Variants in PIWIL2 observed in about 807,000 individuals in gnomAD.
PIWIL2 encodes the protein piwi-like protein 2.
A neutral mutation model predicts 116.5 loss-of-function variants in PIWIL2; 81 were observed. That is an observed-to-expected ratio of 0.70 (90% CI 0.58 to 0.84). The LOEUF (loss-of-function observed/expected upper bound fraction) is 0.84, where lower values mean the gene tolerates loss of function less well. Ranked by LOEUF, PIWIL2 falls within the 40% of genes least tolerant of loss-of-function variation. PIWIL2 has a pLI of 0.00. For missense variants in PIWIL2, 1,272 were observed against 1,212.3 expected (o/e 1.05, Z -0.73); for synonymous variants, 489 against 429.5 (o/e 1.14, Z -1.71).
chr8:22,339,471 G>A (rs1333758204), intron 20 of PIWIL2, among the ~76,000 whole-genome samples: 1 of 151,858 alleles, frequency 6.6e-6, no homozygotes, highest in Admixed American at 6.6e-5. Flanking sequence ...TCACACCACT[G>A]CACTCCAGCC....
At chr8:22,327,913 C>T (rs768344274) in intron 20 of PIWIL2, among the ~76,000 whole-genome samples, 1 of 152,148 alleles carries the variant, frequency 6.6e-6, no homozygotes, top group Non-Finnish European at 1.5e-5. Context: ...TTTTCACTTG[C>T]TTGATAATGG....
Position 22,304,860 on chromosome 8 carries a change from C to G in PIWIL2, c.1447C>G (p.His483Asp), listed in dbSNP as rs375237290. 180 of 1,600,398 alleles carry G rather than the reference C, an allele frequency of 1.1e-4. No homozygotes were observed. Among genetic ancestry groups the G allele is most frequent in the Non-Finnish European group, 1.5e-4 (174 of 1,167,670 alleles). Reference protein sequence around the residue: ...IHRPSERQDNHGMLLKGEILL... With the variant: ...IHRPSERQDNDGMLLKGEILL... ...CAGGCCCAGTGAGAGACAGGATAATCATGGGATGGTGAGTAGGGCTGTCAG... is the reference window on the plus strand; with the variant it reads ...CAGGCCCAGTGAGAGACAGGATAATGATGGGATGGTGAGTAGGGCTGTCAG... The change falls in exon 12 of 23, where the codon CAT becomes GAT. Residue 483 changes from histidine to aspartate, a missense_variant. Transcript: ENST00000356766.
intron 4 of PIWIL2, 138 bp downstream of exon 4, chr8:22,281,653 G>A (rs1269902680): frequency 2.9e-6 from 2 of 695,258 alleles, no homozygotes; most frequent in Admixed American, 7.7e-5. Flanking sequence ...TATTTCTCAA[G>A]AGTAGTCAGC....
intron 20 of PIWIL2, among the ~76,000 whole-genome samples, chr8:22,324,802 T>G (rs563872646): frequency 6.8e-6 from 1 of 147,860 alleles, no homozygotes; most frequent in Admixed American, 6.6e-5. Flanking sequence ...GAGAGGAAAT[T>G]TAGACACAGA....
At position 22,283,222 on chromosome 8, in the gene PIWIL2, CTG is replaced by C. The variant is rs1161946309; in HGVS notation, c.617_618del (p.Val206GlyfsTer31). 6.2e-7 allele frequency: 1 copy of C among 1,613,724 alleles called. No homozygotes were observed. The highest frequency in any genetic ancestry group is 8.5e-7 in the Non-Finnish European group (1 of 1,179,706). On this transcript the variant is annotated frameshift_variant, in exon 5 of 23. Transcript: ENST00000356766. LOFTEE classifies it high-confidence loss of function. ...TCTCCAGATCGCCCTCTGGTCCTGA[CTG>C]TGGAACACAAGGAAAAGTAAGTCAG...
chr8:22,335,854 C>T (rs553429821), intron 20 of PIWIL2, among the ~76,000 whole-genome samples: 2 of 152,120 alleles, frequency 1.3e-5, no homozygotes, highest in African/African-American at 2.4e-5. Context: ...CCACTGTGCC[C>T]GGCCTCAGAC....
At chr8:22,338,991 C>T (rs769288676) in intron 20 of PIWIL2, among the ~76,000 whole-genome samples, 2 of 152,150 alleles carry the variant, frequency 1.3e-5, no homozygotes, top group Non-Finnish European at 2.9e-5. Context: ...AGACTCAAAT[C>T]AGTGAAGTAA....
At chr8:22,299,182 A>G (rs1289567813) in intron 10 of PIWIL2, among the ~76,000 whole-genome samples, 3 of 150,124 alleles carry the variant, frequency 2.0e-5, no homozygotes, top group African/African-American at 4.9e-5. Flanking sequence ...CTAGCAAGCT[A>G]ACCTGTTTTT....
chr8:22,341,323 C>A (rs915862671), intron 20 of PIWIL2, among the ~76,000 whole-genome samples: 5 of 151,570 alleles, frequency 3.3e-5, no homozygotes, highest in Non-Finnish European at 5.9e-5. Context: ...AGTCCAGGCG[C>A]GGTGGCTCAC....
At position 22,311,163 on chromosome 8, in the gene PIWIL2, G is replaced by T; in HGVS notation, c.1852G>T (p.Ala618Ser). 1 of 1,614,066 alleles carries T rather than the reference G, an allele frequency of 6.2e-7. No individual in the cohort carries two copies. The highest frequency in any genetic ancestry group is 8.5e-7 in the Non-Finnish European group (1 of 1,179,974). The part of the protein sequence containing the change: ...LFYPKRAMDQ[A>S]RELVNMLEKI... ...TTACCCAAAGAGAGCAATGGACCAG[G>T]CTCGAGAACTGGTCAACATGTTGGA... The change falls in exon 16 of 23, where the codon GCT becomes TCT. Residue 618 changes from alanine (A) to serine (S), a missense_variant. Physicochemically the swap from Ala to Ser is moderately conservative, Grantham distance 99. Coordinates refer to ENST00000356766, the MANE Select transcript of PIWIL2 (RefSeq NM_018068.5).
intron 22 of PIWIL2, among the ~76,000 whole-genome samples, chr8:22,354,966 A>T (rs555626543): frequency 3.0e-4 from 46 of 151,966 alleles, no homozygotes; most frequent in African/African-American, 9.9e-4. Flanking sequence ...GCTACTCGGG[A>T]GGCTGAGTTG....
Position 22,279,589 on chromosome 8 carries a change from G to T in PIWIL2, c.198+5G>T. 6.2e-7 allele frequency: 1 copy of T among 1,613,368 alleles called. No individual in the cohort carries two copies. Among genetic ancestry groups the T allele is most frequent in the African/African-American group, 1.3e-5 (1 of 75,034 alleles). The stretch of plus-strand genomic sequence containing the variant: ...CAGAGGGGGCCAGCACAAAGGGTAA[G>T]ACCACTTCCGGATGCATAGGAGTGG... On this transcript the variant is annotated splice_donor_5th_base_variant and intron_variant, in intron 2 of 22. Coordinates refer to ENST00000356766, the MANE Select transcript of PIWIL2 (RefSeq NM_018068.5).
intron 10 of PIWIL2, among the ~76,000 whole-genome samples, chr8:22,302,962 T>C (rs1239302729): frequency 1.3e-5 from 2 of 152,242 alleles, no homozygotes; most frequent in African/African-American, 2.4e-5. Context: ...TTTTCTCCAT[T>C]GCCACTTGTA....
chr8:22,339,070 C>T (rs185146829), intron 20 of PIWIL2, among the ~76,000 whole-genome samples: 38 of 152,236 alleles, frequency 2.5e-4, no homozygotes, highest in African/African-American at 7.5e-4. Flanking sequence ...GTTTGCCATT[C>T]GGTGGGGGAA....
Position 22,279,421 on chromosome 8 carries a change from C to G in PIWIL2, c.35C>G (p.Ser12Cys). Reference protein sequence around the residue: ...DPFRPSFRGQSPIHPSQCQAV... With the variant: ...DPFRPSFRGQCPIHPSQCQAV... The stretch of plus-strand genomic sequence containing the variant: ...TTCCGACCATCGTTCAGGGGCCAGT[C>G]TCCTATCCACCCATCCCAGTGCCAG... Residue 12 changes from serine (S) to cysteine (C), a missense_variant, in exon 2 of 23, where the codon TCT becomes TGT. Transcript: ENST00000356766. 2 of 1,614,174 alleles carry G rather than the reference C, an allele frequency of 1.2e-6. No individual in the cohort carries two copies. The highest frequency in any genetic ancestry group is 1.6e-4 in the Middle Eastern group (1 of 6,062).
Position 22,289,924 on chromosome 8 carries a change from A to G in PIWIL2, c.1064A>G (p.His355Arg). ...ACAAGTGCTATGGTACTACAGCAAC[A>G]CAGGTTGGTACTTTTTTCCCTTCCC... The part of the protein sequence containing the change: ...DPTSAMVLQQ[H>R]RLQIWPGYAA... The change falls in exon 9 of 23, where the codon CAC becomes CGC. Residue 355 changes from histidine to arginine, a missense_variant. Transcript: ENST00000356766. 1.3e-6 allele frequency: 2 copies of G among 1,599,724 alleles called. No individual in the cohort carries two copies. Among genetic ancestry groups the G allele is most frequent in the Non-Finnish European group, 1.7e-6 (2 of 1,167,438 alleles).
At chr8:22,337,080 T>C (rs1425626247) in intron 20 of PIWIL2, among the ~76,000 whole-genome samples, 1 of 152,196 alleles carries the variant, frequency 6.6e-6, no homozygotes. Flanking sequence ...CAGTTTTGTT[T>C]TGCTTTGTTT....
chr8:22,277,461 T>C (rs1586524959), intron 1 of PIWIL2, among the ~76,000 whole-genome samples: 1 of 152,308 alleles, frequency 6.6e-6, no homozygotes, highest in Admixed American at 6.5e-5. Flanking sequence ...TATTGTAGGC[T>C]CAAAGCAGAA....
chr8:22,283,447 C>T (rs535860920), intron 5 of PIWIL2, among the ~76,000 whole-genome samples: 3 of 152,338 alleles, frequency 2.0e-5, no homozygotes, highest in African/African-American at 7.2e-5. Flanking sequence ...CTCACTCTGT[C>T]GCCCAGGCTG....
Sources: allele counts gnomAD v4.1 joint callset (sites outside exome capture counted in the v4.1 genomes callset), GRCh38; gene constraint gnomAD v4.1.1; transcripts MANE v1.5; gene names NCBI Gene and HGNC (gene_info 2026-07-23, HGNC 2026-07-21).